Variants in CDK6 observed in about 807,000 individuals in gnomAD.
CDK6 encodes the protein cyclin dependent kinase 6.
In CDK6, 6 loss-of-function variants were observed where a neutral mutation model predicts 37.1. The ratio of observed to expected loss-of-function variants is 0.16; its 90% CI spans 0.09 to 0.32. CDK6 has a LOEUF of 0.32. Among genes scored for constraint, CDK6 ranks in the 10% least tolerant of loss-of-function variants. The probability of loss-of-function intolerance (pLI) is 1.00; values close to 1 mark genes in which losing one functional copy is unlikely to be tolerated. For synonymous variants in CDK6, 160 were observed against 161.3 expected, an observed-to-expected ratio of 0.99 and a Z score of 0.06; for missense variants, 224 against 418.9, an observed-to-expected ratio of 0.53 and a Z score of 4.06.
chr7:92,694,911 G>A (rs958080918), intron 4 of CDK6, among the ~76,000 whole-genome samples: 3 of 152,044 alleles, frequency 2.0e-5, no homozygotes, highest in African/African-American at 4.8e-5. Context: ...TCTCTGGTTC[G>A]TGTCTTTAGA....
chr7:92,629,362 G>A (rs1796002133), intron 5 of CDK6, among the ~76,000 whole-genome samples: 1 of 152,028 alleles, frequency 6.6e-6, no homozygotes, highest in African/African-American at 2.4e-5. Flanking sequence ...TCCACAGAGG[G>A]CTCATATTTA....
At chr7:92,734,419 A>G (rs1367299927) in intron 3 of CDK6, among the ~76,000 whole-genome samples, 1 of 152,124 alleles carries the variant, frequency 6.6e-6, no homozygotes, top group Non-Finnish European at 1.5e-5. Context: ...GCCAAAGCCC[A>G]CCTAGCTCTC....
intron 2 of CDK6, among the ~76,000 whole-genome samples, chr7:92,785,173 A>G (rs1562964709): frequency 6.6e-6 from 1 of 152,238 alleles, no homozygotes; most frequent in Admixed American, 6.5e-5. Flanking sequence ...AAGGTGTGGT[A>G]TATCCATACA....
intron 3 of CDK6, among the ~76,000 whole-genome samples, chr7:92,765,440 C>T (rs1291733758): frequency 1.3e-5 from 2 of 151,972 alleles, no homozygotes; most frequent in African/African-American, 4.8e-5. Context: ...CACAGATAAT[C>T]CCAGAATCCC....
At chr7:92,634,711 T>A (rs2116520510) in intron 5 of CDK6, among the ~76,000 whole-genome samples, 1 of 152,328 alleles carries the variant, frequency 6.6e-6, no homozygotes, top group East Asian at 1.9e-4. Context: ...TTTATGTATC[T>A]CAATCAAGTT....
At chr7:92,665,212 T>C (rs1289649905) in intron 5 of CDK6, among the ~76,000 whole-genome samples, 2 of 152,192 alleles carry the variant, frequency 1.3e-5, no homozygotes, top group African/African-American at 4.8e-5. Context: ...GGGGAGTTAA[T>C]ACTGTGAATT....
chr7:92,826,206 C>A (rs565354435), intron 2 of CDK6, among the ~76,000 whole-genome samples: 1 of 152,246 alleles, frequency 6.6e-6, no homozygotes, highest in South Asian at 2.1e-4. Flanking sequence ...ACAAGACACT[C>A]TCTGCCTTAA....
intron 3 of CDK6, among the ~76,000 whole-genome samples, chr7:92,727,773 T>C (rs775419465): frequency 6.6e-6 from 1 of 152,104 alleles, no homozygotes; most frequent in African/African-American, 2.4e-5. Flanking sequence ...GAAGACTGCA[T>C]TGGGGAGGAA....
At chr7:92,672,184 G>GACACAAACACAC (rs1175195840) in intron 4 of CDK6, among the ~76,000 whole-genome samples, 1 of 44,138 alleles carries the variant, frequency 2.3e-5, no homozygotes, top group Non-Finnish European at 3.7e-5. Flanking sequence ...CACACACACA[G>GACACAAACACAC]ACACATACAC....
chr7:92,724,340 G>C (rs1465718603), intron 4 of CDK6, among the ~76,000 whole-genome samples: 1 of 152,156 alleles, frequency 6.6e-6, no homozygotes, highest in Non-Finnish European at 1.5e-5. Flanking sequence ...AAGAGGAAAT[G>C]AGTAGGATTT....
chr7:92,719,788 C>T (rs1309978468), intron 4 of CDK6, among the ~76,000 whole-genome samples: 1 of 152,178 alleles, frequency 6.6e-6, no homozygotes, highest in Non-Finnish European at 1.5e-5. Context: ...ACACTTCTCT[C>T]TACCCACGGA....
At chr7:92,780,763 CAA>C (rs1190033630) in intron 2 of CDK6, among the ~76,000 whole-genome samples, 3 of 47,868 alleles carry the variant, frequency 6.3e-5, no homozygotes, top group Non-Finnish European at 8.6e-5. Context: ...GACTCCATCT[CAA>C]AAAAAAAAAA....
chr7:92,764,274 G>A (rs1167561589), intron 3 of CDK6, among the ~76,000 whole-genome samples: 1 of 151,980 alleles, frequency 6.6e-6, no homozygotes, highest in African/African-American at 2.4e-5. Flanking sequence ...GAGCAGCTGG[G>A]ACTATAGGTA....
chr7:92,619,265 T>G (rs957468134), intron 6 of CDK6, among the ~76,000 whole-genome samples: 3 of 152,164 alleles, frequency 2.0e-5, no homozygotes, highest in African/African-American at 7.2e-5. Context: ...TAACTTAAGA[T>G]TCTTTAAAAA....
In CDK6 at chr7:92,609,346, A is replaced by C. The variant is rs981787131; in HGVS notation, c.*5794T>G. ...AGTCTTTAAGTAGACTTGTAAATTT[A>C]AAAAAAGTATATAAAGTTGCCAAAA... On this transcript the variant is annotated 3_prime_UTR_variant, in exon 8 of 8. Transcript: ENST00000424848. 4.3e-6 allele frequency: 1 copy of C among 231,470 alleles called. No homozygotes were observed. The highest frequency in any genetic ancestry group is 6.1e-5 in the East Asian group (1 of 16,310). The allele number at this position is 231,470 out of a possible 1,614,324, so 14.3% of individuals were successfully genotyped here.
At chr7:92,680,458 A>G (rs1404098516) in intron 4 of CDK6, among the ~76,000 whole-genome samples, 1 of 151,248 alleles carries the variant, frequency 6.6e-6, no homozygotes, top group Non-Finnish European at 1.5e-5. Flanking sequence ...AAAAAAAAAA[A>G]AAAAGCATTA....
chr7:92,609,627 A>T lies in CDK6; in HGVS notation c.*5513T>A, dbSNP rs979334026. On this transcript the variant is annotated 3_prime_UTR_variant, in exon 8 of 8. Coordinates refer to ENST00000424848, the MANE Select transcript of CDK6 (RefSeq NM_001145306.2). Reference sequence around the variant, plus strand: ...TAAATTAGGATTTTAAAATTTAATCAATGTTGAAAGGCCACCATGCTAGGG... The same window carrying T: ...TAAATTAGGATTTTAAAATTTAATCTATGTTGAAAGGCCACCATGCTAGGG... 2 of 231,238 alleles carry T rather than the reference A, an allele frequency of 8.6e-6. No homozygotes were observed. Among genetic ancestry groups the T allele is most frequent in the Non-Finnish European group, 1.7e-5 (2 of 116,948 alleles). The allele number at this position is 231,238 out of a possible 1,614,324, so 14.3% of individuals were successfully genotyped here.
intron 2 of CDK6, among the ~76,000 whole-genome samples, chr7:92,827,439 T>C (rs867966164): frequency 1.2e-4 from 19 of 152,172 alleles, no homozygotes; most frequent in Middle Eastern, 3.2e-3. Flanking sequence ...CTTGCATAGA[T>C]TCCTGCCACA....
chr7:92,795,599 C>T (rs1800388559), intron 2 of CDK6, among the ~76,000 whole-genome samples: 2 of 152,080 alleles, frequency 1.3e-5, no homozygotes, highest in Non-Finnish European at 2.9e-5. Flanking sequence ...CCTAGATAAG[C>T]CCTGTCCCAG....
Sources: gnomAD v4.1 joint callset for allele counts (sites outside exome capture counted in the v4.1 genomes callset) on GRCh38, gnomAD v4.1.1 for gene constraint, MANE v1.5 for transcripts, NCBI Gene and HGNC (gene_info 2026-07-23, HGNC 2026-07-21) for gene names.